The following LMO7 variants were observed in gnomAD, a reference collection of about 807,000 sequenced individuals.
LMO7 encodes the protein LIM domain only protein 7.
LMO7 carries 120 observed loss-of-function variants against 206.5 expected under a neutral mutation model. That is an observed-to-expected ratio of 0.58 (90% CI 0.50 to 0.68). The LOEUF is 0.68. Ranked by LOEUF, LMO7 falls within the 30% of genes least tolerant of loss-of-function variation. LMO7 has a pLI of 0.00. For synonymous variants in LMO7, 706 were observed against 681.5 expected (o/e 1.04, Z -0.56); for missense variants, 1,959 against 1,957.9 (o/e 1.00, Z -0.01).
At chr13:75,758,673 T>A (rs1447150863) in intron 3 of LMO7, among the ~76,000 whole-genome samples, 2 of 152,168 alleles carry the variant, frequency 1.3e-5, no homozygotes, top group East Asian at 3.9e-4. Flanking sequence ...TTGAGGAGAG[T>A]TTGGCTTTAT....
At chr13:75,808,448 T>C (rs1005147677) in intron 10 of LMO7, among the ~76,000 whole-genome samples, 2 of 152,228 alleles carry the variant, frequency 1.3e-5, no homozygotes, top group Non-Finnish European at 2.9e-5. Flanking sequence ...AACCTTGCCT[T>C]TGACTTAAGC....
At chr13:75,643,126 TGTTG>T (rs1287360281) in intron 1 of LMO7, among the ~76,000 whole-genome samples, 1 of 152,186 alleles carries the variant, frequency 6.6e-6, no homozygotes, top group Non-Finnish European at 1.5e-5. Context: ...ATTCAATCTG[TGTTG>T]GTTCTTGTCT....
intron 4 of LMO7, among the ~76,000 whole-genome samples, chr13:75,791,548 T>A (rs886868322): frequency 6.6e-6 from 1 of 152,154 alleles, no homozygotes; most frequent in African/African-American, 2.4e-5. Flanking sequence ...TAATCAAATA[T>A]TTTTATGTGC....
At position 75,805,767 on chromosome 13, in the gene LMO7, CGTT is replaced by C. The variant is rs764061553; in HGVS notation, c.1196+10_1196+12del. Reference sequence around the variant, plus strand: ...AAGAATTTCAGGGATTCAGGTTTGTCGTTGTGCATGTTTCTGTCACACCAGTGT... The same window carrying C: ...AAGAATTTCAGGGATTCAGGTTTGTCGTGCATGTTTCTGTCACACCAGTGT... On this transcript the variant is annotated splice_region_variant and intron_variant, in intron 9 of 30. Transcript: ENST00000377534. 1.1e-5 allele frequency: 17 copies of C among 1,612,072 alleles called. No homozygotes were observed. Among genetic ancestry groups the C allele is most frequent in the Non-Finnish European group, 1.4e-5 (16 of 1,178,770 alleles).
intron 1 of LMO7, among the ~76,000 whole-genome samples, chr13:75,667,790 C>G (rs999048604): frequency 6.6e-6 from 1 of 152,132 alleles, no homozygotes; most frequent in African/African-American, 2.4e-5. Flanking sequence ...TGGGAAGTGG[C>G]CACTTTCTCC....
intron 1 of LMO7, among the ~76,000 whole-genome samples, chr13:75,648,436 T>C (rs1286953786): frequency 6.6e-6 from 1 of 152,192 alleles, no homozygotes; most frequent in African/African-American, 2.4e-5. Flanking sequence ...ATCTGTCTCA[T>C]AGAAAAATCA....
chr13:75,630,415 G>A lies in LMO7; in HGVS notation c.225+7095G>A, dbSNP rs1451233925. 4.6e-5 allele frequency among the ~76,000 whole-genome samples: 7 copies of A among 152,238 alleles called. No individual in the cohort carries two copies. The East Asian group carries it at 5.8e-4, about 13-fold the overall frequency. ...CAGCTGGGCACAGTGGCTCACGCCT[G>A]TAATCCCAACACTTTGGTAGGCTGA... On this transcript the variant is annotated intron_variant, in intron 2 of 29. Coordinates refer to the LMO7 transcript ENST00000341547.
chr13:75,750,495 T>C (rs1026288339), intron 3 of LMO7, among the ~76,000 whole-genome samples: 4 of 151,268 alleles, frequency 2.6e-5, no homozygotes, highest in Non-Finnish European at 5.9e-5. Context: ...GCTCAAGCTG[T>C]ACTCCCACTT....
chr13:75,682,664 C>T (rs1048406848), intron 1 of LMO7, among the ~76,000 whole-genome samples: 2 of 152,174 alleles, frequency 1.3e-5, no homozygotes, highest in African/African-American at 2.4e-5. Context: ...CCTGAGAATA[C>T]ACTTCTCAGA....
intron 11 of LMO7, among the ~76,000 whole-genome samples, chr13:75,811,208 CTTTT>C (rs764599899): frequency 3.1e-5 from 4 of 130,702 alleles, no homozygotes; most frequent in African/African-American, 8.9e-5. Context: ...TTTTCTTTCT[CTTTT>C]TTTTTTTTTT....
intron 18 of LMO7, 111 bp from the exon 19 acceptor site, chr13:75,836,286 A>G (rs560940129): frequency 6.1e-5 from 39 of 638,606 alleles, no homozygotes; most frequent in African/African-American, 5.9e-4. Flanking sequence ...ATGCATCAAT[A>G]TCCCGAGAAA....
intron 4 of LMO7, among the ~76,000 whole-genome samples, chr13:75,773,244 G>A (rs2140096148): frequency 6.6e-6 from 1 of 152,210 alleles, no homozygotes; most frequent in African/African-American, 2.4e-5. Context: ...TAAGGCATGA[G>A]TCTTTAATGG....
chr13:75,857,607 C>A, intron 30 of LMO7: 1 of 202,602 alleles, frequency 4.9e-6, no homozygotes, highest in Non-Finnish European at 9.9e-6. Flanking sequence ...AATTCCAAAG[C>A]CAAATAGAAA....
At chr13:75,691,763 T>C (rs1390552839) in intron 1 of LMO7, among the ~76,000 whole-genome samples, 2 of 152,146 alleles carry the variant, frequency 1.3e-5, no homozygotes, top group Non-Finnish European at 2.9e-5. Context: ...TCTCCTTTGG[T>C]TAAACTATCC....
chr13:75,680,618 A>G (rs890782126), intron 1 of LMO7, among the ~76,000 whole-genome samples: 7 of 151,914 alleles, frequency 4.6e-5, no homozygotes, highest in African/African-American at 1.7e-4. Context: ...CATGTGCAGA[A>G]CGTGCAGTTT....
At chr13:75,756,274 C>T (rs1403808332) in intron 3 of LMO7, among the ~76,000 whole-genome samples, 2 of 152,028 alleles carry the variant, frequency 1.3e-5, no homozygotes, top group African/African-American at 2.4e-5. Context: ...GGAATGAACC[C>T]CAATAAGATT....
chr13:75,654,514 A>G (rs947224078), intron 1 of LMO7, among the ~76,000 whole-genome samples: 2 of 152,144 alleles, frequency 1.3e-5, no homozygotes, highest in Non-Finnish European at 2.9e-5. Flanking sequence ...TGGCACAGGA[A>G]GGGAGGTTAT....
rs531956527 is a variant in LMO7, at chr13:75,705,208, G to A, written c.70-7974G>A. 6.6e-5 allele frequency among the ~76,000 whole-genome samples: 10 copies of A among 150,910 alleles called. No homozygotes were observed. In the East Asian group the frequency reaches 2.0e-3, roughly 30 times the overall value. On this transcript the variant is annotated intron_variant, in intron 1 of 30. Transcript: ENST00000377534. ...TTTGCCACAGGATGGCTGGAAGCAC[G>A]AGCCTACACTGGGATATGTAGGCTT... is the stretch of plus-strand genomic sequence containing the variant.
intron 1 of LMO7, among the ~76,000 whole-genome samples, chr13:75,664,090 A>G (rs997099028): frequency 2.0e-5 from 3 of 151,900 alleles, no homozygotes; most frequent in African/African-American, 7.3e-5. Flanking sequence ...CCTTCTTTTG[A>G]TTTTTTTGTA....
Sources: allele counts gnomAD v4.1 joint callset (sites outside exome capture counted in the v4.1 genomes callset), GRCh38; gene constraint gnomAD v4.1.1; transcripts MANE v1.5; gene names NCBI Gene and HGNC (gene_info 2026-07-23, HGNC 2026-07-21).